The following LAMA3 variants were observed in gnomAD, a reference collection of about 807,000 sequenced individuals.
The protein encoded by LAMA3 is laminin subunit alpha-3.
In LAMA3, 281 loss-of-function variants were observed where a neutral mutation model predicts 402.0. That is an observed-to-expected ratio of 0.70 (90% CI 0.63 to 0.77). The LOEUF (loss-of-function observed/expected upper bound fraction) is 0.77, where lower values mean the gene tolerates loss of function less well. LAMA3 is among the 30% of genes least tolerant of loss of function. LAMA3 has a pLI of 0.00. For synonymous variants in LAMA3, 1,431 were observed against 1,558.4 expected, an observed-to-expected ratio of 0.92 and a Z score of 1.93; for missense variants, 3,840 against 4,215.5, an observed-to-expected ratio of 0.91 and a Z score of 2.47.
intron 11 of LAMA3, among the ~76,000 whole-genome samples, chr18:23,778,668 G>A (rs1487370734): frequency 2.0e-5 from 3 of 152,172 alleles, no homozygotes; most frequent in South Asian, 2.1e-4. Context: ...GGGCACCATC[G>A]GACTCATGCT....
chr18:23,828,130 C>A (rs2063421726), intron 23 of LAMA3, among the ~76,000 whole-genome samples: 1 of 152,160 alleles, frequency 6.6e-6, no homozygotes, highest in Non-Finnish European at 1.5e-5. Context: ...AGACTTCCTC[C>A]ACTATATTTT....
chr18:23,751,046 C>T lies in LAMA3; in HGVS notation c.813C>T (p.His271=), dbSNP rs774726277. ...TTAGAACCAATACGCTTCTTGGACA[C>T]CTCATCTCCAAAGCCCAGCGAGATC... ...RFLRTNTLLG[H]LISKAQRDPT... is the part of the protein sequence containing the mutation. Residue 271 remains histidine (H), a synonymous_variant, in exon 5 of 75, where the codon CAC becomes CAT. Transcript: ENST00000313654. 1.5e-5 allele frequency: 25 copies of T among 1,613,998 alleles called. No homozygotes were observed. Among genetic ancestry groups the T allele is most frequent in the South Asian group, 1.1e-4 (10 of 91,082 alleles).
Position 23,912,691 on chromosome 18 carries a change from A to C in LAMA3, c.7159-20A>C. The C allele has an allele frequency of 6.2e-7, 1 of 1,610,960 alleles. No individual in the cohort carries two copies. Among genetic ancestry groups the C allele is most frequent in the African/African-American group, 1.3e-5 (1 of 74,964 alleles). Reference sequence around the variant, plus strand: ...TCTTCACAGGACAGTGTTTGACACCATGTAACTTACTCCTCACAGGTTGCT... The same window carrying C: ...TCTTCACAGGACAGTGTTTGACACCCTGTAACTTACTCCTCACAGGTTGCT... On this transcript the variant is annotated intron_variant, in intron 55 of 74. Coordinates refer to ENST00000313654, the MANE Select transcript of LAMA3 (RefSeq NM_198129.4).
intron 23 of LAMA3, among the ~76,000 whole-genome samples, chr18:23,828,383 G>A (rs1299903376): frequency 6.6e-6 from 1 of 152,060 alleles, no homozygotes; most frequent in Non-Finnish European, 1.5e-5. Context: ...ATATTTACTT[G>A]TAACAAGTAA....
At chr18:23,891,538 C>G (rs2080664588) in intron 42 of LAMA3, among the ~76,000 whole-genome samples, 1 of 152,198 alleles carries the variant, frequency 6.6e-6, no homozygotes, top group South Asian at 2.1e-4. Flanking sequence ...CCCTGGTCTT[C>G]TCCAATAGTA....
At position 23,842,671 on chromosome 18, in the gene LAMA3, A is replaced by G. The variant is rs766007661; in HGVS notation, c.3524A>G (p.Glu1175Gly). The G allele has an allele frequency of 6.2e-7, 1 of 1,614,148 alleles. No homozygotes were observed. ...VLGCRDQVIAEGQIEFDISEP... is the reference protein window; with the variant it reads ...VLGCRDQVIAGGQIEFDISEP... Reference sequence around the variant, plus strand: ...GGCTGCCGGGATCAAGTGATTGCCGAAGGCCAGATTGAGTTTGACATCTCA... The same window carrying G: ...GGCTGCCGGGATCAAGTGATTGCCGGAGGCCAGATTGAGTTTGACATCTCA... Residue 1175 changes from glutamate (E) to glycine (G), a missense_variant, in exon 29 of 75, where the codon GAA (glutamate) becomes GGA (glycine). Glu to Gly is a moderately conservative substitution (Grantham distance 98, BLOSUM62 -2). Coordinates refer to ENST00000313654, the MANE Select transcript of LAMA3 (RefSeq NM_198129.4).
At chr18:23,946,577 G>T in intron 70 of LAMA3, 1 of 400,234 alleles carries the variant, frequency 2.5e-6, no homozygotes, top group South Asian at 2.9e-5. Flanking sequence ...ATGCAAAAAC[G>T]TAGGTTTTAG....
At chr18:23,933,203 A>G (rs187170933) in intron 66 of LAMA3, among the ~76,000 whole-genome samples, 1 of 152,236 alleles carries the variant, frequency 6.6e-6, no homozygotes, top group East Asian at 1.9e-4. Context: ...TGCATATTTT[A>G]CGTTCGTATT....
chr18:23,822,059 A>G (rs1421905432), intron 19 of LAMA3, among the ~76,000 whole-genome samples, 193 bp from the exon 20 acceptor site: 2 of 152,096 alleles, frequency 1.3e-5, no homozygotes, highest in Admixed American at 6.5e-5. Flanking sequence ...ATTTTAATTC[A>G]TTGTTAGGTT....
chr18:23,719,373 C>T (rs1263491426), intron 2 of LAMA3, among the ~76,000 whole-genome samples: 1 of 152,076 alleles, frequency 6.6e-6, no homozygotes, highest in Non-Finnish European at 1.5e-5. Context: ...TAGATTGAGA[C>T]CCTGAAACCC....
intron 60 of LAMA3, 70 bp from the exon 61 acceptor site, chr18:23,920,865 C>T (rs200361025): frequency 5.5e-5 from 88 of 1,592,300 alleles, no homozygotes; most frequent in Non-Finnish European, 6.9e-5. Flanking sequence ...GTGAGAGTAA[C>T]GGGAGTTCCA....
At position 23,903,987 on chromosome 18, in the gene LAMA3, A is replaced by G; in HGVS notation, c.6373A>G (p.Lys2125Glu). ...TGAAGCAAGACAAGAACTAAGTGAC[A>G]AAGTAAGAGAACTTTCCAGATCTGC... Reference protein sequence around the residue: ...LNEARQELSDKVRELSRSAGK... With the variant: ...LNEARQELSDEVRELSRSAGK... The change falls in exon 50 of 75, where the codon AAA (lysine) becomes GAA (glutamate). Residue 2125 changes from lysine (K) to glutamate (E), a missense_variant. Transcript: ENST00000313654. 6.2e-7 allele frequency: 1 copy of G among 1,614,076 alleles called. No individual in the cohort carries two copies.
intron 29 of LAMA3, among the ~76,000 whole-genome samples, chr18:23,844,201 G>A (rs1423724724): frequency 6.6e-6 from 1 of 152,142 alleles, no homozygotes; most frequent in Non-Finnish European, 1.5e-5. Flanking sequence ...GAGCTGGTGA[G>A]CAGTTGACAA....
chr18:23,884,273 C>T (rs1002022500), intron 40 of LAMA3, among the ~76,000 whole-genome samples: 11 of 152,154 alleles, frequency 7.2e-5, no homozygotes, highest in East Asian at 1.9e-4. Context: ...CCGAGGCAGG[C>T]GAGTGGTCTC....
chr18:23,922,494 G>T (rs2081876008), intron 62 of LAMA3, among the ~76,000 whole-genome samples: 1 of 152,226 alleles, frequency 6.6e-6, no homozygotes. Context: ...TTTTAAAGTT[G>T]TCAGGGTTGC....
At chr18:23,945,325 C>T (rs116544339) in intron 69 of LAMA3, among the ~76,000 whole-genome samples, 348 of 152,232 alleles carry the variant, frequency 2.3e-3, no homozygotes, top group African/African-American at 7.7e-3. Flanking sequence ...GGTAGAACCA[C>T]GCGGCCTTGC....
At chr18:23,794,408 CA>C (rs2062723247) in intron 12 of LAMA3, among the ~76,000 whole-genome samples, 1 of 152,234 alleles carries the variant, frequency 6.6e-6, no homozygotes, top group Non-Finnish European at 1.5e-5. Flanking sequence ...CATGATACCA[CA>C]ACAGTTCTTT....
chr18:23,899,811 A>G (rs1599039491), intron 47 of LAMA3: 1 of 229,038 alleles, frequency 4.4e-6, no homozygotes, highest in East Asian at 1.1e-4. Context: ...TGAATTTTTG[A>G]ATCACAAATT....
intron 39 of LAMA3, among the ~76,000 whole-genome samples, chr18:23,880,288 G>A (rs1254281920): frequency 6.6e-6 from 1 of 152,224 alleles, no homozygotes; most frequent in Non-Finnish European, 1.5e-5. Flanking sequence ...ATAAGCAAAT[G>A]TGAACACGTG....
Sources: allele counts gnomAD v4.1 joint callset (sites outside exome capture counted in the v4.1 genomes callset), GRCh38; gene constraint gnomAD v4.1.1; transcripts MANE v1.5; gene names NCBI Gene and HGNC (gene_info 2026-07-23, HGNC 2026-07-21).